The following PAK1 variants were observed in gnomAD, a reference collection of about 807,000 sequenced individuals.
The protein encoded by PAK1 is serine/threonine-protein kinase PAK 1.
In PAK1, 29 loss-of-function variants were observed where a neutral mutation model predicts 67.4. That is an observed-to-expected ratio of 0.43 (90% CI 0.32 to 0.59). The LOEUF is 0.59. Among genes scored for constraint, PAK1 ranks in the 20% least tolerant of loss-of-function variants. The pLI, the probability that PAK1 is intolerant of heterozygous loss-of-function variation, is 0.07. For missense variants in PAK1, 337 were observed against 670.7 expected, an observed-to-expected ratio of 0.50 and a Z score of 5.50; for synonymous variants, 223 against 237.4, an observed-to-expected ratio of 0.94 and a Z score of 0.56.
Position 77,322,734 on chromosome 11 carries a change from T to A in PAK1, c.*540A>T. The stretch of plus-strand genomic sequence containing the variant: ...GTTGTTCTCCCATGTCAGGATCAGC[T>A]GAGCCAAAGTCATGGTCCAGGAAGC... On this transcript the variant is annotated 3_prime_UTR_variant, in exon 15 of 15. Coordinates refer to ENST00000356341, the MANE Select transcript of PAK1 (RefSeq NM_002576.5). The A allele has an allele frequency of 3.5e-6, 1 of 284,114 alleles. No homozygotes were observed. Among genetic ancestry groups the A allele is most frequent in the East Asian group, 5.5e-5 (1 of 18,244 alleles). The allele number at this position is 284,114 out of a possible 1,614,324, so 17.6% of individuals were successfully genotyped here.
chr11:77,414,573 TAAATAG>T (rs1954845804), intron 1 of PAK1, among the ~76,000 whole-genome samples: 1 of 152,234 alleles, frequency 6.6e-6, no homozygotes, highest in Non-Finnish European at 1.5e-5. Context: ...GGAATTGAAG[TAAATAG>T]CCCAAAATAG....
intron 2 of PAK1, among the ~76,000 whole-genome samples, chr11:77,386,906 T>C (rs962480074): frequency 1.1e-4 from 16 of 152,118 alleles, no homozygotes; most frequent in African/African-American, 3.9e-4. Context: ...TCTGTGTAGC[T>C]GGAATTACAG....
intron 9 of PAK1, among the ~76,000 whole-genome samples, chr11:77,348,511 A>G (rs1944763358): frequency 1.3e-5 from 2 of 152,222 alleles, no homozygotes; most frequent in Admixed American, 1.3e-4. Flanking sequence ...AAGTAAAGGT[A>G]GCACCAGTAG....
intron 1 of PAK1, among the ~76,000 whole-genome samples, chr11:77,399,438 T>G (rs898069158): frequency 8.5e-5 from 13 of 152,208 alleles, no homozygotes; most frequent in African/African-American, 3.1e-4. Flanking sequence ...GGTCTTTAAC[T>G]CTAGGCTATT....
intron 5 of PAK1, among the ~76,000 whole-genome samples, chr11:77,363,763 C>T (rs573894411): frequency 1.3e-5 from 2 of 152,268 alleles, no homozygotes; most frequent in South Asian, 2.1e-4. Flanking sequence ...TAAATCTGGA[C>T]AAAATTGACA....
chr11:77,335,483 G>GATTC (rs1395047936), intron 13 of PAK1, among the ~76,000 whole-genome samples: 6 of 152,150 alleles, frequency 3.9e-5, no homozygotes, highest in Non-Finnish European at 8.8e-5. Context: ...AGTCATTGCT[G>GATTC]ATTCCTCTTT....
chr11:77,332,682 G>T (rs373728297), intron 14 of PAK1, 48 bp downstream of exon 14: 6 of 1,552,028 alleles, frequency 3.9e-6, no homozygotes, highest in Non-Finnish European at 5.3e-6. Context: ...AAAAGGCCTG[G>T]TTTAGTGATT....
At chr11:77,370,185 G>A (rs1252476323) in intron 5 of PAK1, among the ~76,000 whole-genome samples, 1 of 152,108 alleles carries the variant, frequency 6.6e-6, no homozygotes, top group African/African-American at 2.4e-5. Context: ...CCTCCTCCCA[G>A]GTATCAAAAG....
intron 1 of PAK1, among the ~76,000 whole-genome samples, chr11:77,398,289 T>A (rs1458962233): frequency 2.0e-5 from 3 of 152,202 alleles, no homozygotes; most frequent in Admixed American, 2.0e-4. Flanking sequence ...CTGGTAACCA[T>A]CCTTCTATTA....
At chr11:77,522,524 C>T in the PAK1 span, among the ~76,000 whole-genome samples, 2,384 of 152,218 alleles carry the variant, frequency 0.016, 54 homozygotes, top group African/African-American at 0.055. Context: ...CAATGAGATA[C>T]CATCTCACAC....
chr11:77,418,356 A>G (rs1955083807), intron 1 of PAK1, among the ~76,000 whole-genome samples: 1 of 152,154 alleles, frequency 6.6e-6, no homozygotes, highest in Non-Finnish European at 1.5e-5. Flanking sequence ...ACTGCCTGGT[A>G]CCCTGAGGGA....
the PAK1 span, among the ~76,000 whole-genome samples, chr11:77,521,313 T>C: frequency 2.0e-5 from 3 of 152,102 alleles, no homozygotes; most frequent in Admixed American, 1.3e-4. Flanking sequence ...GCAGATCCCC[T>C]GAGGTTGGGA....
At chr11:77,394,024 G>T (rs1415622523) in intron 1 of PAK1, among the ~76,000 whole-genome samples, 2 of 151,956 alleles carry the variant, frequency 1.3e-5, no homozygotes, top group South Asian at 2.1e-4. Context: ...AGATGGGGGG[G>T]ATTTCCTATC....
chr11:77,480,102 T>G, the PAK1 span, among the ~76,000 whole-genome samples: 1 of 152,186 alleles, frequency 6.6e-6, no homozygotes, highest in Non-Finnish European at 1.5e-5. Flanking sequence ...TGCTTTCTTT[T>G]GTTTTGTTTT....
intron 14 of PAK1, among the ~76,000 whole-genome samples, chr11:77,332,514 T>C (rs1941879432): frequency 6.6e-6 from 1 of 150,894 alleles, no homozygotes; most frequent in African/African-American, 2.4e-5. Context: ...AAACTGAGCC[T>C]AGGAGAACGT....
chr11:77,343,484 A>G (rs1215809492), intron 10 of PAK1, among the ~76,000 whole-genome samples: 1 of 152,200 alleles, frequency 6.6e-6, no homozygotes, highest in Non-Finnish European at 1.5e-5. Context: ...CAGGAGGATG[A>G]GCAGAATAAG....
intron 9 of PAK1, among the ~76,000 whole-genome samples, chr11:77,345,029 CT>C (rs555187492): frequency 1.1e-4 from 16 of 152,304 alleles, no homozygotes; most frequent in Admixed American, 1.0e-3. Flanking sequence ...TCAAAAGCTA[CT>C]TACTCTTTTT....
At chr11:77,506,574 G>A in the PAK1 span, among the ~76,000 whole-genome samples, 1 of 152,174 alleles carries the variant, frequency 6.6e-6, no homozygotes, top group South Asian at 2.1e-4. Flanking sequence ...TATGGAGAAT[G>A]ACAGGCAGGG....
intron 1 of PAK1, among the ~76,000 whole-genome samples, chr11:77,467,944 G>A (rs1957673708): frequency 6.6e-6 from 1 of 152,180 alleles, no homozygotes; most frequent in African/African-American, 2.4e-5. Context: ...ATCAATCTTA[G>A]CTTTGTGGGA....
Sources: allele counts gnomAD v4.1 joint callset (sites outside exome capture counted in the v4.1 genomes callset), GRCh38; gene constraint gnomAD v4.1.1; transcripts MANE v1.5; gene names NCBI Gene and HGNC (gene_info 2026-07-23, HGNC 2026-07-21).